The following MCPH1 variants were observed in gnomAD, a reference collection of about 807,000 sequenced individuals.
MCPH1 encodes microcephalin.
MCPH1 carries 104 observed loss-of-function variants against 84.5 expected under a neutral mutation model. The observed-to-expected ratio is 1.23, with a 90% CI of 1.05 to 1.45. The LOEUF (loss-of-function observed/expected upper bound fraction) is 1.45, where lower values mean the gene tolerates loss of function less well. Ranked by LOEUF, MCPH1 falls within the 40% of genes most tolerant of loss-of-function variation. MCPH1 has a pLI of 0.00. For missense variants in MCPH1, 1,498 were observed against 1,005.7 expected (o/e 1.49, Z -6.62); for synonymous variants, 514 against 366.8 (o/e 1.40, Z -4.58).
chr8:6,595,762 G>T (rs541848411), intron 12 of MCPH1, among the ~76,000 whole-genome samples: 2 of 152,244 alleles, frequency 1.3e-5, no homozygotes, highest in African/African-American at 4.8e-5. Context: ...GCATCATTCC[G>T]GCTGCTGCAC....
intron 12 of MCPH1, chr8:6,514,741 G>A: frequency 6.2e-7 from 1 of 1,613,928 alleles, no homozygotes; most frequent in South Asian, 1.1e-5. Context: ...CTGAATAATT[G>A]TCCACCCGCC....
Position 6,425,909 on chromosome 8 carries a change from C to T in MCPH1, c.234-5590C>T, listed in dbSNP as rs142827093. ...ACACGATTATCTAGGGTCTCCTCTA[C>T]GTCTTTCGTCCAGATGCATCTCAGC... On this transcript the variant is annotated intron_variant, in intron 3 of 13. Coordinates refer to ENST00000344683, the MANE Select transcript of MCPH1 (RefSeq NM_024596.5). Among the ~76,000 whole-genome samples, 859 of 152,288 alleles carry T rather than the reference C, an allele frequency of 5.6e-3. 4 individuals carry two copies. Among genetic ancestry groups the T allele is most frequent in the Middle Eastern group, 0.014 (4 of 294 alleles).
intron 2 of MCPH1, among the ~76,000 whole-genome samples, chr8:6,412,930 C>CA (rs1366552334): frequency 1.3e-5 from 2 of 152,184 alleles, no homozygotes; most frequent in Non-Finnish European, 2.9e-5. Flanking sequence ...CAACGCTTTG[C>CA]AGTACATTTC....
intron 12 of MCPH1, among the ~76,000 whole-genome samples, chr8:6,598,646 T>C (rs1381316030): frequency 6.6e-6 from 1 of 152,208 alleles, no homozygotes; most frequent in Non-Finnish European, 1.5e-5. Flanking sequence ...CAATGTTTGC[T>C]GAAGCAAAAC....
At chr8:6,458,322 A>T (rs1805913262) in intron 9 of MCPH1, among the ~76,000 whole-genome samples, 1 of 151,972 alleles carries the variant, frequency 6.6e-6, no homozygotes, top group South Asian at 2.1e-4. Context: ...AATACAAAAA[A>T]TTAGCTGGGC....
At chr8:6,625,657 C>A (rs1481787727) in intron 13 of MCPH1, 2 of 985,156 alleles carry the variant, frequency 2.0e-6, no homozygotes, top group Non-Finnish European at 1.2e-6. Context: ...TTGAGCCGGG[C>A]GTGGTGGCCC....
chr8:6,574,397 C>T (rs904548230), intron 12 of MCPH1, among the ~76,000 whole-genome samples: 1 of 152,156 alleles, frequency 6.6e-6, no homozygotes, highest in East Asian at 1.9e-4. Flanking sequence ...GATTAAGAGC[C>T]CACCCCACTC....
At chr8:6,539,996 C>T (rs75018728) in intron 12 of MCPH1, among the ~76,000 whole-genome samples, 1,947 of 152,240 alleles carry the variant, frequency 0.013, 30 homozygotes, top group African/African-American at 0.039. Flanking sequence ...CTATATAACT[C>T]CAAGATGTAT....
intron 12 of MCPH1, among the ~76,000 whole-genome samples, chr8:6,592,481 C>T (rs1021689901): frequency 1.3e-5 from 2 of 152,092 alleles, no homozygotes; most frequent in African/African-American, 4.8e-5. Context: ...ATATATTTCA[C>T]AGAATATTAT....
At chr8:6,422,984 G>A (rs1406512306) in intron 3 of MCPH1, among the ~76,000 whole-genome samples, 5 of 151,130 alleles carry the variant, frequency 3.3e-5, no homozygotes, top group East Asian at 2.0e-4. Flanking sequence ...CACTGTGCCC[G>A]GCCAATTTTT....
chr8:6,531,571 C>T lies in MCPH1; in HGVS notation c.2214+31642C>T, dbSNP rs563550658. On this transcript the variant is annotated intron_variant, in intron 12 of 13. Coordinates refer to ENST00000344683, the MANE Select transcript of MCPH1 (RefSeq NM_024596.5). ...CCTCCCAAAGTGCTGGAATTACAGG[C>T]GTGAGCTACTGCGCCTGGCCACTAG... Among the ~76,000 whole-genome samples, 10 of 152,278 alleles carry T rather than the reference C, an allele frequency of 6.6e-5. No individual in the cohort carries two copies. The South Asian group carries it at 1.0e-3, about 16-fold the overall frequency.
intron 9 of MCPH1, among the ~76,000 whole-genome samples, chr8:6,467,857 C>T (rs1807178124): frequency 1.3e-5 from 2 of 152,202 alleles, no homozygotes; most frequent in Non-Finnish European, 2.9e-5. Context: ...CTGGGTCTCC[C>T]AAAGTGCTGG....
intron 12 of MCPH1, among the ~76,000 whole-genome samples, chr8:6,514,015 G>T (rs7845553): frequency 8.9e-4 from 135 of 152,292 alleles, no homozygotes; most frequent in African/African-American, 3.2e-3. Context: ...AAATAGGTCA[G>T]TTATTAGACA....
chr8:6,524,378 A>G (rs757777147), intron 12 of MCPH1, among the ~76,000 whole-genome samples: 20 of 152,232 alleles, frequency 1.3e-4, no homozygotes, highest in Admixed American at 3.9e-4. Context: ...GCGAAGGCAT[A>G]TGAAGAGCAG....
chr8:6,406,996 C>G (rs1797816144), intron 1 of MCPH1: 1 of 435,714 alleles, frequency 2.3e-6, no homozygotes, highest in South Asian at 2.2e-5. Flanking sequence ...GTGCCCCAAC[C>G]CCCGTGCTGC....
intron 11 of MCPH1, among the ~76,000 whole-genome samples, chr8:6,486,262 A>ATCTCTCTCTCTCTCTCTCTCTC (rs56247663): frequency 4.8e-5 from 7 of 147,092 alleles, no homozygotes; most frequent in African/African-American, 1.8e-4. Flanking sequence ...TGTACAAGGA[A>ATCTCTCTCTCTCTCTCTCTCTC]TCTCTCTCTC....
intron 12 of MCPH1, among the ~76,000 whole-genome samples, chr8:6,557,640 T>C (rs1302965280): frequency 6.6e-6 from 1 of 151,844 alleles, no homozygotes; most frequent in Non-Finnish European, 1.5e-5. Flanking sequence ...GGCCATCCTA[T>C]AGAACAAATA....
chr8:6,475,301 C>A (rs140740726), intron 9 of MCPH1, among the ~76,000 whole-genome samples: 1 of 152,242 alleles, frequency 6.6e-6, no homozygotes, highest in Admixed American at 6.5e-5. Flanking sequence ...ACGGGCACTC[C>A]TTTTACGTGG....
At position 6,643,248 on chromosome 8, in the gene MCPH1, G is replaced by C; in HGVS notation, c.*199G>C. On this transcript the variant is annotated 3_prime_UTR_variant, in exon 14 of 14. Coordinates refer to ENST00000344683, the MANE Select transcript of MCPH1 (RefSeq NM_024596.5). ...TGAATGTCTGTTTCAGAGACGCTTC[G>C]GGCCTTTTTATTTTTATTTTATTTT... 1 of 614,004 alleles carries C rather than the reference G, an allele frequency of 1.6e-6. No individual in the cohort carries two copies. Among genetic ancestry groups the C allele is most frequent in the South Asian group, 2.0e-5 (1 of 50,422 alleles). The allele number at this position is 614,004 out of a possible 1,614,324, so 38.0% of individuals were successfully genotyped here. A position where few individuals can be genotyped will look rare whatever the true frequency, so the allele number is the denominator to read the frequency against.
Sources: gnomAD v4.1 joint callset for allele counts (sites outside exome capture counted in the v4.1 genomes callset) on GRCh38, gnomAD v4.1.1 for gene constraint, MANE v1.5 for transcripts, NCBI Gene and HGNC (gene_info 2026-07-23, HGNC 2026-07-21) for gene names.